TRHDE: variants seen among roughly 807,000 people sequenced by gnomAD.
The protein encoded by TRHDE is thyrotropin-releasing hormone-degrading ectoenzyme.
A neutral mutation model predicts 125.7 loss-of-function variants in TRHDE; 72 were observed. The observed-to-expected ratio is 0.57, with a 90% CI of 0.47 to 0.70. The LOEUF (loss-of-function observed/expected upper bound fraction) is 0.70, where lower values mean the gene tolerates loss of function less well. TRHDE is among the 30% of genes least tolerant of loss of function. The pLI is 0.00. For missense variants in TRHDE, 1,110 were observed against 1,327.1 expected (o/e 0.84, Z 2.54); for synonymous variants, 509 against 509.1 (o/e 1.00, Z 0.00).
At chr12:72,567,256 T>A (rs964889815) in intron 9 of TRHDE, among the ~76,000 whole-genome samples, 1 of 152,110 alleles carries the variant, frequency 6.6e-6, no homozygotes, top group East Asian at 1.9e-4. Context: ...CCAGACCGAT[T>A]GTATGGAGTC....
chr12:72,653,250 A>G lies in TRHDE; in HGVS notation c.2984+94A>G, dbSNP rs930320749. 7.9e-6 allele frequency: 7 copies of G among 890,858 alleles called. No individual in the cohort carries two copies. The East Asian group carries it at 1.2e-4, about 15-fold the overall frequency. The allele number at this position is 890,858 out of a possible 1,614,324, so 55.2% of individuals were successfully genotyped here. A position where few individuals can be genotyped will look rare whatever the true frequency, so the allele number is the denominator to read the frequency against. On this transcript the variant is annotated intron_variant, in intron 17 of 18. Transcript: ENST00000261180. ...TTGTGTTAAAGCTAAGATCCATGCAATAGGTTTAGATATTAAAATATTCAA... is the reference window on the plus strand; with the variant it reads ...TTGTGTTAAAGCTAAGATCCATGCAGTAGGTTTAGATATTAAAATATTCAA...
intron 6 of TRHDE, among the ~76,000 whole-genome samples, chr12:72,512,470 A>AATAT (rs1466908794): frequency 7.1e-6 from 1 of 140,238 alleles, no homozygotes; most frequent in Non-Finnish European, 1.5e-5. Flanking sequence ...TATATTATAT[A>AATAT]GTTATAATTA....
intron 1 of TRHDE, among the ~76,000 whole-genome samples, chr12:72,090,758 G>T (rs1874771716): frequency 6.6e-6 from 1 of 152,004 alleles, no homozygotes; most frequent in East Asian, 1.9e-4. Context: ...AAGATACAAA[G>T]AAAAATTAAC....
At chr12:72,224,192 A>ATCTATCTATCTATCTATCTATCTATCTC (rs1878074648) in intron 2 of TRHDE, among the ~76,000 whole-genome samples, 1 of 147,704 alleles carries the variant, frequency 6.8e-6, no homozygotes, top group Non-Finnish European at 1.5e-5. Context: ...CTATCTATCT[A>ATCTATCTATCTATCTATCTATCTATCTC]TCTATCTATC....
chr12:72,479,878 G>A lies in TRHDE; in HGVS notation c.1584+6698G>A, dbSNP rs1370761365. Among the ~76,000 whole-genome samples, 9 of 139,386 alleles carry A rather than the reference G, an allele frequency of 6.5e-5. No individual in the cohort carries two copies. The East Asian group carries it at 1.7e-3, about 27-fold the overall frequency. The allele number at this position is 139,386 out of a possible 152,430, so 91.4% of individuals were successfully genotyped here. A position where few individuals can be genotyped will look rare whatever the true frequency, so the allele number is the denominator to read the frequency against. ...CTTCCTGTGTCCATGTGTTCTCATT[G>A]TTCAATTCCCACCTATAAGTGAGAA... is the stretch of plus-strand genomic sequence containing the variant. On this transcript the variant is annotated intron_variant, in intron 5 of 18. Coordinates refer to ENST00000261180, the MANE Select transcript of TRHDE (RefSeq NM_013381.3).
At chr12:72,237,650 C>T (rs548995088) in intron 2 of TRHDE, among the ~76,000 whole-genome samples, 13 of 152,254 alleles carry the variant, frequency 8.5e-5, no homozygotes, top group South Asian at 6.2e-4. Flanking sequence ...CTCTCTCTCC[C>T]GCCACCTTGT....
At chr12:72,412,801 T>C (rs1873566759) in intron 3 of TRHDE, among the ~76,000 whole-genome samples, 1 of 152,080 alleles carries the variant, frequency 6.6e-6, no homozygotes, top group Non-Finnish European at 1.5e-5. Flanking sequence ...TTATACACAC[T>C]ATGTAATTTC....
intron 10 of TRHDE, among the ~76,000 whole-genome samples, chr12:72,574,543 A>G (rs1271111507): frequency 2.0e-5 from 3 of 152,050 alleles, no homozygotes; most frequent in African/African-American, 4.8e-5. Flanking sequence ...GCTCTGTACT[A>G]TTTTTGAAGG....
intron 3 of TRHDE, among the ~76,000 whole-genome samples, chr12:72,390,165 C>T (rs1872567899): frequency 6.6e-6 from 1 of 152,118 alleles, no homozygotes; most frequent in African/African-American, 2.4e-5. Flanking sequence ...TTTATACTTC[C>T]TTTTGTCTCT....
intron 2 of TRHDE, among the ~76,000 whole-genome samples, chr12:72,121,101 A>G (rs1183813761): frequency 6.6e-6 from 1 of 152,224 alleles, no homozygotes; most frequent in Non-Finnish European, 1.5e-5. Context: ...AGTAATTTAC[A>G]CACCAAAATT....
intron 6 of TRHDE, among the ~76,000 whole-genome samples, chr12:72,536,944 C>T (rs1382128532): frequency 1.3e-5 from 2 of 151,920 alleles, no homozygotes; most frequent in Non-Finnish European, 2.9e-5. Context: ...CTTTATTTTT[C>T]TAAGTTCTTG....
At chr12:72,599,158 T>C (rs537429862) in intron 12 of TRHDE, among the ~76,000 whole-genome samples, 9 of 152,130 alleles carry the variant, frequency 5.9e-5, no homozygotes, top group Non-Finnish European at 8.8e-5. Flanking sequence ...TCTATGTCTT[T>C]GCTATTGTGA....
rs1372602327 is a variant in TRHDE, at chr12:72,667,941, T to A, written c.*4746T>A. On this transcript the variant is annotated 3_prime_UTR_variant, in exon 19 of 19. Transcript: ENST00000261180. ...GTTTTCTAAAATGGTTTCAGCATAC[T>A]ATCGGTATCTCACAATGTGTTAATT... 6.6e-6 allele frequency: 1 copy of A among 151,726 alleles called. No individual in the cohort carries two copies. The highest frequency in any genetic ancestry group is 6.6e-5 in the Admixed American group (1 of 15,186). 9.4% of individuals were successfully genotyped at this position (151,726 alleles called of 1,614,324 possible). A position where few individuals can be genotyped will look rare whatever the true frequency, so the allele number is the denominator to read the frequency against.
chr12:72,234,453 T>C (rs1230005146), intron 2 of TRHDE, among the ~76,000 whole-genome samples: 1 of 152,210 alleles, frequency 6.6e-6, no homozygotes, highest in Non-Finnish European at 1.5e-5. Flanking sequence ...ATAATCCACA[T>C]TTCTTACCTT....
chr12:72,132,098 A>G (rs930815460), intron 2 of TRHDE, among the ~76,000 whole-genome samples: 11 of 152,180 alleles, frequency 7.2e-5, no homozygotes, highest in African/African-American at 2.7e-4. Flanking sequence ...CAGGGGAAGG[A>G]TATTTTAACA....
At chr12:72,210,966 T>A (rs892919360) in intron 2 of TRHDE, among the ~76,000 whole-genome samples, 1 of 152,178 alleles carries the variant, frequency 6.6e-6, no homozygotes, top group East Asian at 1.9e-4. Context: ...TCAAAACTAA[T>A]GAAATTTTAG....
intron 15 of TRHDE, among the ~76,000 whole-genome samples, chr12:72,648,088 C>T (rs147021797): frequency 5.3e-4 from 80 of 152,158 alleles, no homozygotes; most frequent in African/African-American, 1.8e-3. Flanking sequence ...TGCGAGGATG[C>T]TTCCACATAC....
chr12:72,116,037 G>A (rs567737751), intron 2 of TRHDE, among the ~76,000 whole-genome samples: 2 of 152,094 alleles, frequency 1.3e-5, no homozygotes, highest in Non-Finnish European at 2.9e-5. Context: ...ACAGGCCCCA[G>A]TGTGTGATGT....
chr12:72,507,917 C>T (rs1878424299), intron 6 of TRHDE, among the ~76,000 whole-genome samples: 1 of 152,212 alleles, frequency 6.6e-6, no homozygotes, highest in Non-Finnish European at 1.5e-5. Flanking sequence ...TGCCCTAGCT[C>T]CAGCAGTGGC....
Sources: gnomAD v4.1 joint callset for allele counts (sites outside exome capture counted in the v4.1 genomes callset) on GRCh38, gnomAD v4.1.1 for gene constraint, MANE v1.5 for transcripts, NCBI Gene and HGNC (gene_info 2026-07-23, HGNC 2026-07-21) for gene names.